The following MYO6 variants were observed in gnomAD, a reference collection of about 807,000 sequenced individuals.
MYO6 encodes unconventional myosin-VI.
Under a neutral mutation model 178.7 loss-of-function variants are expected in MYO6, and 74 were observed. The ratio of observed to expected loss-of-function variants is 0.41; its 90% CI spans 0.34 to 0.50. MYO6 has a LOEUF of 0.50. Among genes scored for constraint, MYO6 ranks in the 20% least tolerant of loss-of-function variants. MYO6 has a pLI of 0.09. For synonymous variants in MYO6, 477 were observed against 504.6 expected, an observed-to-expected ratio of 0.95 and a Z score of 0.73; for missense variants, 1,330 against 1,547.4, an observed-to-expected ratio of 0.86 and a Z score of 2.36.
intron 1 of MYO6, among the ~76,000 whole-genome samples, chr6:75,791,945 A>T (rs1196866821): frequency 6.6e-6 from 1 of 151,788 alleles, no homozygotes; most frequent in Non-Finnish European, 1.5e-5. Context: ...ATATTTCTAC[A>T]GTGGGCTCTG....
intron 1 of MYO6, among the ~76,000 whole-genome samples, chr6:75,793,533 G>A (rs1421407044): frequency 6.6e-6 from 1 of 151,974 alleles, no homozygotes; most frequent in African/African-American, 2.4e-5. Context: ...GAATCCGGGA[G>A]GCAGAGGTTG....
At chr6:75,859,688 G>T (rs1341757778) in intron 14 of MYO6, among the ~76,000 whole-genome samples, 2 of 112,362 alleles carry the variant, frequency 1.8e-5, no homozygotes, top group African/African-American at 6.4e-5. Context: ...TTTTTTTTGA[G>T]ACGAAGTCTT....
At chr6:75,839,717 T>A (rs1774024996) in intron 7 of MYO6, among the ~76,000 whole-genome samples, 1 of 152,178 alleles carries the variant, frequency 6.6e-6, no homozygotes, top group African/African-American at 2.4e-5. Context: ...ATTATATTTG[T>A]TCACTAGGAT....
intron 1 of MYO6, among the ~76,000 whole-genome samples, chr6:75,810,540 C>T (rs1360758698): frequency 6.6e-6 from 1 of 152,120 alleles, no homozygotes; most frequent in Non-Finnish European, 1.5e-5. Flanking sequence ...TGTCTGACCT[C>T]CCTTCCTGTC....
intron 9 of MYO6, among the ~76,000 whole-genome samples, chr6:75,844,412 G>C (rs986675084): frequency 7.9e-5 from 12 of 152,070 alleles, no homozygotes; most frequent in Admixed American, 6.6e-5. Context: ...AATGTGAAAA[G>C]CATGTTTTAA....
intron 16 of MYO6, among the ~76,000 whole-genome samples, chr6:75,864,120 T>G (rs1583304074): frequency 6.6e-6 from 1 of 152,194 alleles, no homozygotes; most frequent in Non-Finnish European, 1.5e-5. Flanking sequence ...AAAAGCCGTT[T>G]AGAGTTGCCT....
chr6:75,851,060 T>G (rs993633702), intron 11 of MYO6, among the ~76,000 whole-genome samples: 5 of 152,172 alleles, frequency 3.3e-5, no homozygotes, highest in Admixed American at 2.0e-4. Context: ...ATGTGGGAGA[T>G]TCTAACACAA....
chr6:75,867,229 A>G, intron 18 of MYO6, 124 bp downstream of exon 18: 1 of 742,506 alleles, frequency 1.3e-6, no homozygotes, highest in Non-Finnish European at 2.2e-6. Context: ...CAGACCCTGC[A>G]TTGTTGATAT....
intron 11 of MYO6, among the ~76,000 whole-genome samples, chr6:75,851,674 G>GCA (rs918247199): frequency 1.3e-4 from 20 of 150,434 alleles, no homozygotes; most frequent in African/African-American, 2.9e-4. Context: ...ACACACAAAC[G>GCA]CACACACACA....
intron 5 of MYO6, 101 bp from the exon 6 acceptor site, chr6:75,832,741 T>C: frequency 2.8e-6 from 2 of 711,748 alleles, no homozygotes; most frequent in Admixed American, 2.1e-5. Flanking sequence ...TGAATAGACA[T>C]TTATGATTTC....
intron 1 of MYO6, among the ~76,000 whole-genome samples, chr6:75,787,416 A>G (rs1583071982): frequency 1.3e-5 from 2 of 151,874 alleles, no homozygotes; most frequent in South Asian, 4.1e-4. Flanking sequence ...AATAGAACCC[A>G]ACTACTGACA....
At chr6:75,852,656 C>T (rs1775385843) in intron 11 of MYO6, among the ~76,000 whole-genome samples, 1 of 152,126 alleles carries the variant, frequency 6.6e-6, no homozygotes, top group African/African-American at 2.4e-5. Context: ...AAGGTTAATC[C>T]ATGTTATAGC....
chr6:75,765,890 G>A (rs1433178905), intron 1 of MYO6, among the ~76,000 whole-genome samples: 2 of 151,968 alleles, frequency 1.3e-5, no homozygotes, highest in Non-Finnish European at 2.9e-5. Context: ...AGCTGGGCGT[G>A]GTAGGTGTGT....
intron 19 of MYO6, 34 bp from the exon 20 acceptor site, chr6:75,873,173 T>C (rs962489593): frequency 6.6e-7 from 1 of 1,508,842 alleles, no homozygotes; most frequent in Non-Finnish European, 9.2e-7. Context: ...GAATGCTATA[T>C]GTATTGTAAC....
At chr6:75,784,500 G>A (rs778058314) in intron 1 of MYO6, among the ~76,000 whole-genome samples, 2 of 151,754 alleles carry the variant, frequency 1.3e-5, no homozygotes, top group Non-Finnish European at 2.9e-5. Context: ...TTTGCCCGGC[G>A]CGGTGGCTCA....
At position 75,755,934 on chromosome 6, in the gene MYO6, G is replaced by T. The variant is rs558330549; in HGVS notation, c.-48+6511G>T. Reference sequence around the variant, plus strand: ...GGAAATAGGCAGTTGTCAAAATTGTGCAATTTAAAGGCTACTGCATGACTT... The same window carrying T: ...GGAAATAGGCAGTTGTCAAAATTGTTCAATTTAAAGGCTACTGCATGACTT... On this transcript the variant is annotated intron_variant, in intron 1 of 34. Transcript: ENST00000369977. Among the ~76,000 whole-genome samples, 13 of 152,262 alleles carry T rather than the reference G, an allele frequency of 8.5e-5. No homozygotes were observed. The South Asian group carries it at 2.5e-3, about 29-fold the overall frequency.
At chr6:75,753,480 T>TATATATATATATATATATATA (rs1777078147) in intron 1 of MYO6, among the ~76,000 whole-genome samples, 1 of 150,224 alleles carries the variant, frequency 6.7e-6, no homozygotes, top group African/African-American at 2.4e-5. Flanking sequence ...TATATATATA[T>TATATATATATATATATATATA]GTTTTTTGGA....
Position 75,844,912 on chromosome 6 carries a change from T to A in MYO6, c.832T>A (p.Cys278Ser). The A allele has an allele frequency of 6.2e-7, 1 of 1,612,712 alleles. No individual in the cohort carries two copies. The highest frequency in any genetic ancestry group is 1.1e-5 in the South Asian group (1 of 91,028). The change falls in exon 10 of 35, where the codon TGC becomes AGC. Residue 278 changes from cysteine (C) to serine (S), a missense_variant. By Grantham distance (112) the Cys-to-Ser change is moderately radical. Around this residue, in one of 3 missense-constraint regions of MYO6, gnomAD observed 613 missense variants for 816.8 expected, o/e 0.75. Coordinates refer to ENST00000369977, the MANE Select transcript of MYO6 (RefSeq NM_004999.4). ...PDNFRYLNRG[C>S]TRYFANKETD... Reference sequence around the variant, plus strand: ...TTTGTCATAGTATTTAAACCGAGGCTGCACTAGATACTTTGCTAACAAAGA... The same window carrying A: ...TTTGTCATAGTATTTAAACCGAGGCAGCACTAGATACTTTGCTAACAAAGA...
chr6:75,793,690 T>G (rs1768485357), intron 1 of MYO6, among the ~76,000 whole-genome samples: 2 of 152,312 alleles, frequency 1.3e-5, no homozygotes, highest in African/African-American at 4.8e-5. Context: ...TGAAAATAAT[T>G]AACAGTGAAT....
Sources: gnomAD v4.1 joint callset for allele counts (sites outside exome capture counted in the v4.1 genomes callset) on GRCh38, gnomAD v4.1.1 for gene constraint, gnomAD v4.1.1 regional missense constraint, MANE v1.5 for transcripts, NCBI Gene and HGNC (gene_info 2026-07-23, HGNC 2026-07-21) for gene names.